DIP2C: variants seen among roughly 807,000 people sequenced by gnomAD.
The protein encoded by DIP2C is disco-interacting protein 2 homolog C.
A neutral mutation model predicts 192.4 loss-of-function variants in DIP2C; 33 were observed. The observed-to-expected ratio is 0.17, with a 90% CI of 0.13 to 0.23. The LOEUF (loss-of-function observed/expected upper bound fraction) is 0.23. Ranked by LOEUF, DIP2C falls within the 10% of genes least tolerant of loss-of-function variation. DIP2C has a pLI of 1.00. For missense variants in DIP2C, 1,537 were observed against 2,110.1 expected (o/e 0.73, Z 5.32); for synonymous variants, 979 against 864.1 (o/e 1.13, Z -2.33).
intron 1 of DIP2C, among the ~76,000 whole-genome samples, chr10:629,171 G>A (rs1328548440): frequency 3.3e-5 from 5 of 152,202 alleles, no homozygotes; most frequent in South Asian, 2.1e-4. Flanking sequence ...AGGAACTGGC[G>A]GTGGAGACAC....
intron 1 of DIP2C, among the ~76,000 whole-genome samples, chr10:503,950 T>C (rs1424983279): frequency 2.0e-5 from 3 of 152,228 alleles, no homozygotes; most frequent in African/African-American, 4.8e-5. Context: ...TCCACAGTAA[T>C]TATTTTACTC....
chr10:493,823 TCA>T (rs1337267859), intron 1 of DIP2C, among the ~76,000 whole-genome samples: 4 of 152,252 alleles, frequency 2.6e-5, no homozygotes, highest in Non-Finnish European at 5.9e-5. Flanking sequence ...CATCCTTGTT[TCA>T]CAGATGACAG....
At chr10:371,570 G>T (rs115529302) in intron 17 of DIP2C, among the ~76,000 whole-genome samples, 1,673 of 152,130 alleles carry the variant, frequency 0.011, 32 homozygotes, top group African/African-American at 0.038. Flanking sequence ...GGAGTGACAG[G>T]TACCCATCCA....
chr10:303,743 G>A (rs1260511576), intron 32 of DIP2C, among the ~76,000 whole-genome samples: 3 of 152,152 alleles, frequency 2.0e-5, no homozygotes, highest in African/African-American at 4.8e-5. Flanking sequence ...GGCTGGTCTC[G>A]AACTCCCGAC....
chr10:674,306 G>A (rs1371944798), intron 1 of DIP2C, among the ~76,000 whole-genome samples: 1 of 152,150 alleles, frequency 6.6e-6, no homozygotes, highest in Non-Finnish European at 1.5e-5. Context: ...AGCAAGAGTA[G>A]CTATATTTAT....
In DIP2C at chr10:383,348, T is replaced by C. The variant is rs76207893; in HGVS notation, c.1877-587A>G. 9.4e-3 allele frequency among the ~76,000 whole-genome samples: 1,433 copies of C among 152,372 alleles called. 21 individuals carry two copies. Among genetic ancestry groups the C allele is most frequent in the African/African-American group, 0.033 (1,361 of 41,592 alleles). ...TTTATGCTGCTTTAGTTTACAAACA[T>C]GAACGTTGCATGTTTCATAAATGTG... On this transcript the variant is annotated intron_variant, in intron 16 of 36. Transcript: ENST00000280886.
In DIP2C at chr10:512,686, G is replaced by A. The variant is rs1201267815; in HGVS notation, c.86-26156C>T. On this transcript the variant is annotated intron_variant, in intron 1 of 36. Coordinates refer to ENST00000280886, the MANE Select transcript of DIP2C (RefSeq NM_014974.3). The stretch of plus-strand genomic sequence containing the variant: ...CCCAGCACTTTGGAAGGTCGGGGTG[G>A]GCAGATCACCTGAGGTCAGGAGTTT... Among the ~76,000 whole-genome samples, 3 of 152,254 alleles carry A rather than the reference G, an allele frequency of 2.0e-5. No homozygotes were observed. In the East Asian group the frequency reaches 5.8e-4, roughly 29 times the overall value.
At chr10:476,443 T>G (rs985274867) in intron 2 of DIP2C, among the ~76,000 whole-genome samples, 2 of 152,208 alleles carry the variant, frequency 1.3e-5, no homozygotes, top group African/African-American at 2.4e-5. Context: ...CAGCAGTAGC[T>G]AACACTGCAG....
intron 29 of DIP2C, among the ~76,000 whole-genome samples, chr10:333,674 G>A (rs941953646): frequency 6.6e-6 from 1 of 152,224 alleles, no homozygotes. Context: ...CAGCAAGTCT[G>A]CTTAATTAAG....
intron 3 of DIP2C, among the ~76,000 whole-genome samples, chr10:444,080 G>A (rs1967955657): frequency 6.6e-6 from 1 of 152,178 alleles, no homozygotes; most frequent in South Asian, 2.1e-4. Context: ...GTTCACTGGT[G>A]CTCTTCCGTC....
At chr10:530,138 A>C (rs1391137378) in intron 1 of DIP2C, among the ~76,000 whole-genome samples, 1 of 152,206 alleles carries the variant, frequency 6.6e-6, no homozygotes, top group Non-Finnish European at 1.5e-5. Context: ...TGCCACCGTG[A>C]GCCGGGCTTT....
At chr10:580,529 A>G (rs1444885942) in intron 1 of DIP2C, among the ~76,000 whole-genome samples, 1 of 152,220 alleles carries the variant, frequency 6.6e-6, no homozygotes, top group Non-Finnish European at 1.5e-5. Flanking sequence ...GCACATATGT[A>G]CACATGTACA....
At chr10:569,522 G>A (rs905749033) in intron 1 of DIP2C, among the ~76,000 whole-genome samples, 13 of 152,098 alleles carry the variant, frequency 8.5e-5, no homozygotes, top group African/African-American at 3.1e-4. Flanking sequence ...ACAAACCAAA[G>A]CATGTGTGGC....
intron 17 of DIP2C, 74 bp from the exon 18 acceptor site, chr10:369,707 AC>A: frequency 1.2e-6 from 2 of 1,610,686 alleles, no homozygotes; most frequent in South Asian, 1.1e-5. Context: ...CAGTCAGCAC[AC>A]ATGCGGCAGG....
intron 8 of DIP2C, among the ~76,000 whole-genome samples, chr10:409,343 C>T (rs377612136): frequency 2.0e-5 from 3 of 152,144 alleles, no homozygotes; most frequent in African/African-American, 4.8e-5. Flanking sequence ...CACACACCGT[C>T]GTCACAGGGC....
Position 345,043 on chromosome 10 carries a change from G to A in DIP2C, c.3299C>T (p.Ala1100Val), listed in dbSNP as rs139119358. Reference protein sequence around the residue: ...ICKLLRSREAAAAVDVRTWPL... With the variant: ...ICKLLRSREAVAAVDVRTWPL... ...CCACGTCCTGACGTCCACAGCCGCC[G>A]CCGCCTCCCTGGACCGCAGCAACTT... The change falls in exon 27 of 37, where the codon GCG (alanine) becomes GTG (valine). Residue 1100 changes from alanine (A) to valine (V), a missense_variant. Transcript: ENST00000280886. 5.1e-5 allele frequency: 82 copies of A among 1,613,504 alleles called. No homozygotes were observed. Among genetic ancestry groups the A allele is most frequent in the Middle Eastern group, 3.4e-4 (2 of 5,938 alleles).
chr10:344,690 C>T (rs1384007513), intron 28 of DIP2C, 119 bp downstream of exon 28: 4 of 803,600 alleles, frequency 5.0e-6, no homozygotes, highest in Non-Finnish European at 8.1e-6. Context: ...CGTATGTATA[C>T]CTCTTTCCAC....
Position 384,561 on chromosome 10 carries a change from CCTT to C in DIP2C, c.1738_1740del (p.Lys580del). The C allele has an allele frequency of 6.2e-7, 1 of 1,613,844 alleles. No homozygotes were observed. On this transcript the variant is annotated inframe_deletion, in exon 15 of 37. Coordinates refer to ENST00000280886, the MANE Select transcript of DIP2C (RefSeq NM_014974.3). ...CGAGACCCACCTTTGTACTGGCAGA[CCTT>C]CTGGATCCAGGAGAGAGGGTTCACC...
chr10:558,167 T>A (rs1269635374), intron 1 of DIP2C, among the ~76,000 whole-genome samples: 1 of 152,068 alleles, frequency 6.6e-6, no homozygotes, highest in Non-Finnish European at 1.5e-5. Flanking sequence ...CCCCAAATAC[T>A]AACTATGATA....
Sources: allele counts gnomAD v4.1 joint callset (sites outside exome capture counted in the v4.1 genomes callset), GRCh38; gene constraint gnomAD v4.1.1; transcripts MANE v1.5; gene names NCBI Gene and HGNC (gene_info 2026-07-23, HGNC 2026-07-21).